GRIP2: variants seen among roughly 807,000 people sequenced by gnomAD.
GRIP2 encodes the protein glutamate receptor interacting protein 2, also known as glutamate receptor-interacting protein 2.
A neutral mutation model predicts 108.3 loss-of-function variants in GRIP2; 58 were observed. The ratio of observed to expected loss-of-function variants is 0.54; its 90% confidence interval spans 0.43 to 0.67. GRIP2 has a LOEUF of 0.67. Among genes scored for constraint, GRIP2 ranks in the 30% least tolerant of loss-of-function variants. GRIP2 has a pLI of 0.00. For synonymous variants in GRIP2, 586 were observed against 598.2 expected (o/e 0.98, Z 0.30); for missense variants, 1,278 against 1,430.6 (o/e 0.89, Z 1.72).
intron 1 of GRIP2, among the ~76,000 whole-genome samples, chr3:14,530,701 T>C (rs1032731334): frequency 4.6e-5 from 7 of 152,210 alleles, no homozygotes; most frequent in Non-Finnish European, 1.5e-5. Context: ...TCGTTTTATA[T>C]TCTGAGCTTA....
In GRIP2 at chr3:14,529,659, C is replaced by T. The variant is rs559316534; in HGVS notation, c.41-3728G>A. 3.3e-5 allele frequency among the ~76,000 whole-genome samples: 5 copies of T among 152,114 alleles called. No individual in the cohort carries two copies. In the East Asian group the frequency reaches 9.6e-4, roughly 29 times the overall value. On this transcript the variant is annotated intron_variant, in intron 1 of 23. Transcript: ENST00000621039. ...TATTTTGCTCTTCCTTTTTCTGTTG[C>T]TCCTTATCTTTCTAATAATTTTAAA...
At chr3:14,515,253 C>T (rs934687922) in intron 11 of GRIP2, among the ~76,000 whole-genome samples, 9 of 152,182 alleles carry the variant, frequency 5.9e-5, no homozygotes, top group South Asian at 2.1e-4. Flanking sequence ...GTGGATACTG[C>T]GTTCCTTCCA....
the GRIP2 span, among the ~76,000 whole-genome samples, chr3:14,576,649 C>T: frequency 6.6e-6 from 1 of 152,234 alleles, no homozygotes; most frequent in African/African-American, 2.4e-5. Context: ...CTGCCACGTA[C>T]AGCCTGACCG....
Position 14,526,403 on chromosome 3 carries a change from G to A in GRIP2, c.41-472C>T, listed in dbSNP as rs369540288. ...GGAGGGGGAGCTCTCTCAAACGCAG[G>A]CACAGCAGCTCATGTGAGACAGCTC... On this transcript the variant is annotated intron_variant, in intron 1 of 23. Coordinates refer to ENST00000621039, the MANE Select transcript of GRIP2 (RefSeq NM_001080423.4). 5.9e-5 allele frequency among the ~76,000 whole-genome samples: 9 copies of A among 152,262 alleles called. No homozygotes were observed. The South Asian group carries it at 6.2e-4, about 11-fold the overall frequency.
rs6778574 is a variant in GRIP2 at position 14,510,109 on chromosome 3, G to T, written c.1934-145C>A. The T allele has an allele frequency of 9.0e-3, 6,106 of 675,786 alleles. 282 individuals are homozygous for T. The African/African-American group carries it at 0.1, about 11-fold the overall frequency. The allele number at this position is 675,786 out of a possible 1,614,324, so 41.9% of individuals were successfully genotyped here. A position where few individuals can be genotyped will look rare whatever the true frequency, so the allele number is the denominator to read the frequency against. Reference sequence around the variant, plus strand: ...TCTGATTTCATGTAGCACAACCTGGGGACCCTGAGGCCATCTTCTGCCCAA... The same window carrying T: ...TCTGATTTCATGTAGCACAACCTGGTGACCCTGAGGCCATCTTCTGCCCAA... On this transcript the variant is annotated intron_variant, in intron 16 of 23. Coordinates refer to ENST00000621039, the MANE Select transcript of GRIP2 (RefSeq NM_001080423.4).
the GRIP2 span, among the ~76,000 whole-genome samples, chr3:14,568,626 C>T: frequency 2.6e-5 from 4 of 152,196 alleles, no homozygotes; most frequent in Non-Finnish European, 5.9e-5. Flanking sequence ...TGGACCATCC[C>T]CACCCCCAAC....
the GRIP2 span, chr3:14,574,678 T>C: frequency 1.3e-5 from 8 of 629,328 alleles, no homozygotes; most frequent in African/African-American, 1.4e-4. Context: ...GCCAGAAAGC[T>C]GGCTGGAGTG....
intron 1 of GRIP2, among the ~76,000 whole-genome samples, chr3:14,531,980 C>T (rs1575022638): frequency 6.6e-6 from 1 of 152,086 alleles, no homozygotes; most frequent in African/African-American, 2.4e-5. Flanking sequence ...CTGCACATGC[C>T]CCCGCCTGCC....
chr3:14,522,966 G>T lies in GRIP2; in HGVS notation c.566+34C>A. ...TTCGCAGGGGAGTTGGGGCAGGTCA[G>T]TGCAGTGTGTGGATTTCTTCTGCCT... On this transcript the variant is annotated intron_variant, in intron 6 of 23. Coordinates refer to ENST00000621039, the MANE Select transcript of GRIP2 (RefSeq NM_001080423.4). This position sits in a 1 kb window ranked among gnomAD's most constrained non-coding sequence, Gnocchi z 4.3. The T allele has an allele frequency of 6.3e-7, 1 of 1,585,790 alleles. No homozygotes were observed. Among genetic ancestry groups the T allele is most frequent in the Non-Finnish European group, 8.7e-7 (1 of 1,154,314 alleles).
chr3:14,518,703 C>A (rs375851143), intron 9 of GRIP2, among the ~76,000 whole-genome samples: 1 of 152,206 alleles, frequency 6.6e-6, no homozygotes, highest in Admixed American at 6.5e-5. Flanking sequence ...TCTCCTTGAG[C>A]CACATCTCCA....
chr3:14,512,154 C>T lies in GRIP2; in HGVS notation c.1720+623G>A, dbSNP rs534945099. On this transcript the variant is annotated intron_variant, in intron 14 of 23. Transcript: ENST00000621039. This position sits in a 1 kb window ranked among gnomAD's most constrained non-coding sequence, Gnocchi z 5.1. ...GGTCTCAGATGCAAAGGCCCAGAGG[C>T]AGGAAGGGGCAGGCATGGCAGGGAG... is the stretch of plus-strand genomic sequence containing the variant. 5.5e-4 allele frequency among the ~76,000 whole-genome samples: 84 copies of T among 152,186 alleles called. 1 individual carries two copies. The South Asian group carries it at 0.016, about 29-fold the overall frequency.
intron 1 of GRIP2, among the ~76,000 whole-genome samples, chr3:14,548,198 C>T (rs1350662720): frequency 6.6e-6 from 1 of 152,178 alleles, no homozygotes; most frequent in African/African-American, 2.4e-5. Context: ...AAGGCACCAC[C>T]AAAAGGGGCC....
At position 14,507,721 on chromosome 3, in the gene GRIP2, AGAGAATGG is replaced by A; in HGVS notation, c.2079-29_2079-22del. ...CAGTCCTGAGGAGTGGATGCAGGGC[AGAGAATGG>A]GAGTTAGACACTCAGGGCCTCAGAG... On this transcript the variant is annotated intron_variant, in intron 17 of 23. Coordinates refer to ENST00000621039, the MANE Select transcript of GRIP2 (RefSeq NM_001080423.4). The surrounding 1 kb of genome is among the most constrained non-coding windows in gnomAD (Gnocchi z 4.6). 6.2e-7 allele frequency: 1 copy of A among 1,607,042 alleles called. No individual in the cohort carries two copies. The highest frequency in any genetic ancestry group is 8.5e-7 in the Non-Finnish European group (1 of 1,174,030).
chr3:14,598,382 A>C, the GRIP2 span, among the ~76,000 whole-genome samples: 1 of 151,616 alleles, frequency 6.6e-6, no homozygotes, highest in South Asian at 2.1e-4. Flanking sequence ...ACACACAACC[A>C]TGCTCCCTTA....
chr3:14,602,175 A>G, the GRIP2 span: 1 of 152,066 alleles, frequency 6.6e-6, no homozygotes, highest in African/African-American at 2.4e-5. This position sits in a 1 kb window ranked among gnomAD's most constrained non-coding sequence, Gnocchi z 4.7. Flanking sequence ...CATTAGCACC[A>G]AATCCAAACT....
the GRIP2 span, among the ~76,000 whole-genome samples, chr3:14,569,145 A>G: frequency 6.6e-6 from 1 of 152,092 alleles, no homozygotes; most frequent in African/African-American, 2.4e-5. Context: ...TTTGCCTCCC[A>G]CCCACTTTCC....
At chr3:14,553,948 C>A (rs750687415) in intron 1 of GRIP2, among the ~76,000 whole-genome samples, 5 of 152,170 alleles carry the variant, frequency 3.3e-5, no homozygotes, top group Non-Finnish European at 5.9e-5. Context: ...CTCAATCAAC[C>A]AGGTTGAGCC....
At chr3:14,573,190 G>T in the GRIP2 span, 1 of 1,418,974 alleles carries the variant, frequency 7.0e-7, no homozygotes, top group Non-Finnish European at 9.9e-7. Flanking sequence ...TGCCAGGGCC[G>T]CTCCAGGATC....
At chr3:14,566,807 G>A in the GRIP2 span, among the ~76,000 whole-genome samples, 3 of 152,056 alleles carry the variant, frequency 2.0e-5, no homozygotes, top group Non-Finnish European at 2.9e-5. Flanking sequence ...CAGTCACATG[G>A]CCACTGTGTG....
Sources: allele counts gnomAD v4.1 joint callset (sites outside exome capture counted in the v4.1 genomes callset), GRCh38; gene constraint gnomAD v4.1.1; non-coding constraint Gnocchi (gnomAD v3.1); transcripts MANE v1.5; gene names NCBI Gene and HGNC (gene_info 2026-07-23, HGNC 2026-07-21).